The following PRUNE2 variants were observed in gnomAD, a reference collection of about 807,000 sequenced individuals.
The protein encoded by PRUNE2 is protein prune homolog 2.
PRUNE2 carries 164 observed loss-of-function variants against 252.0 expected under a neutral mutation model. That is an observed-to-expected ratio of 0.65 (90% confidence interval 0.57 to 0.74). The LOEUF is 0.74. Ranked by LOEUF, PRUNE2 falls within the 30% of genes least tolerant of loss-of-function variation. The pLI is 0.00. For missense variants in PRUNE2, 3,495 were observed against 3,711.0 expected, an observed-to-expected ratio of 0.94 and a Z score of 1.51; for synonymous variants, 1,292 against 1,350.2, an observed-to-expected ratio of 0.96 and a Z score of 0.94.
chr9:76,764,538 G>C (rs1005127200), intron 6 of PRUNE2: 6 of 152,274 alleles, frequency 3.9e-5, no homozygotes, highest in Admixed American at 3.3e-4. Flanking sequence ...ATGGTGGGAA[G>C]GACCTGATGA....
intron 6 of PRUNE2, among the ~76,000 whole-genome samples, chr9:76,723,086 C>T (rs1474120250): frequency 6.6e-6 from 1 of 152,142 alleles, no homozygotes; most frequent in Non-Finnish European, 1.5e-5. Flanking sequence ...TGAGCAATTT[C>T]CAGTTATTCA....
chr9:76,786,663 T>A (rs567753006), intron 6 of PRUNE2: 1 of 152,232 alleles, frequency 6.6e-6, no homozygotes, highest in African/African-American at 2.4e-5. Context: ...TTTTCTTCCA[T>A]CCCCACCACT....
At chr9:76,668,293 A>T (rs1219334887) in intron 9 of PRUNE2, among the ~76,000 whole-genome samples, 1 of 152,248 alleles carries the variant, frequency 6.6e-6, no homozygotes, top group East Asian at 1.9e-4. Context: ...GAATTTGATG[A>T]TCATGCAAAC....
chr9:76,735,023 C>A (rs1009336324), intron 6 of PRUNE2, among the ~76,000 whole-genome samples: 10 of 151,906 alleles, frequency 6.6e-5, no homozygotes, highest in Non-Finnish European at 1.0e-4. Context: ...CTGGAGCTAC[C>A]CAGAGCCATC....
intron 6 of PRUNE2, among the ~76,000 whole-genome samples, chr9:76,719,314 C>T (rs1020671254): frequency 1.3e-5 from 2 of 151,772 alleles, no homozygotes; most frequent in African/African-American, 2.4e-5. Flanking sequence ...AGGATATATA[C>T]CAATGGAAAA....
chr9:76,709,774 A>G lies in PRUNE2; in HGVS notation c.2500T>C (p.Trp834Arg). The change falls in exon 8 of 19, where the codon TGG (tryptophan) becomes CGG (arginine). Residue 834 changes from tryptophan (W) to arginine (R), a missense_variant. By Grantham distance (101) the Trp-to-Arg change is moderately radical. Transcript: ENST00000376718. ...GCAAACCCACTTTTTGCCATGGCCC[A>G]CTCATTCGGGTCCCTAACAGAAGGT... ...KTPSVRDPNEWAMAKSGFAFS... is the reference protein window; with the variant it reads ...KTPSVRDPNERAMAKSGFAFS... 6.2e-7 allele frequency: 1 copy of G among 1,613,816 alleles called. No individual in the cohort carries two copies. Among genetic ancestry groups the G allele is most frequent in the Middle Eastern group, 1.6e-4 (1 of 6,062 alleles).
chr9:76,788,098 C>A lies in PRUNE2; in HGVS notation c.756+35534G>T, dbSNP rs144264644. Among the ~76,000 whole-genome samples the A allele has an allele frequency of 6.6e-3, 1,001 of 152,304 alleles. 6 individuals are homozygous for A. Among genetic ancestry groups the A allele is most frequent in the Non-Finnish European group, 0.011 (727 of 68,038 alleles). Reference sequence around the variant, plus strand: ...GCAACTAAAGTTCTTTGTGCCCTCACCTGGTTTTCTAATATTTGTCAATAG... The same window carrying A: ...GCAACTAAAGTTCTTTGTGCCCTCAACTGGTTTTCTAATATTTGTCAATAG... On this transcript the variant is annotated intron_variant, in intron 6 of 18. Coordinates refer to ENST00000376718, the MANE Select transcript of PRUNE2 (RefSeq NM_015225.3).
chr9:76,846,763 CA>C, intron 3 of PRUNE2, 85 bp from the exon 4 acceptor site: 1 of 1,231,794 alleles, frequency 8.1e-7, no homozygotes, highest in Non-Finnish European at 1.1e-6. Flanking sequence ...TGCTCTCACA[CA>C]AATGGCTTCC....
intron 7 of PRUNE2, among the ~76,000 whole-genome samples, chr9:76,713,214 C>T (rs1240425353): frequency 6.6e-6 from 1 of 152,068 alleles, no homozygotes; most frequent in African/African-American, 2.4e-5. Flanking sequence ...AGGTCTTAAA[C>T]ACTGGGCACC....
At chr9:76,874,059 T>A (rs2061359107) in intron 1 of PRUNE2, among the ~76,000 whole-genome samples, 1 of 152,170 alleles carries the variant, frequency 6.6e-6, no homozygotes, top group Non-Finnish European at 1.5e-5. Flanking sequence ...TAATACTGAA[T>A]CATTAGTACA....
At chr9:76,892,238 C>T (rs139610366) in intron 1 of PRUNE2, among the ~76,000 whole-genome samples, 2 of 152,260 alleles carry the variant, frequency 1.3e-5, no homozygotes, top group Non-Finnish European at 2.9e-5. Context: ...AATTCTCTAA[C>T]GTGTCGGGGT....
intron 6 of PRUNE2, among the ~76,000 whole-genome samples, chr9:76,716,175 C>T (rs2135133324): frequency 6.6e-6 from 1 of 152,322 alleles, no homozygotes; most frequent in Non-Finnish European, 1.5e-5. Flanking sequence ...TTCAAAGCCA[C>T]ACTTGTGGAA....
chr9:76,781,924 G>T (rs1011634541), intron 6 of PRUNE2, among the ~76,000 whole-genome samples: 1 of 152,114 alleles, frequency 6.6e-6, no homozygotes, highest in Non-Finnish European at 1.5e-5. Flanking sequence ...GAAAGCATTG[G>T]GAAAGCCTGG....
intron 6 of PRUNE2, among the ~76,000 whole-genome samples, chr9:76,778,101 T>C (rs1316007096): frequency 1.3e-5 from 2 of 152,184 alleles, no homozygotes; most frequent in East Asian, 3.8e-4. Flanking sequence ...TTTTAAAAAA[T>C]ACCAATGACT....
rs189769392 is a variant in PRUNE2 at position 76,655,629 on chromosome 9, T to C, written c.8277-127A>G. ...CTTAAAATAAACCATGTATGGGGACTGAATCCACTGTAAGTGGTCCCAAAT... is the reference window on the plus strand; with the variant it reads ...CTTAAAATAAACCATGTATGGGGACCGAATCCACTGTAAGTGGTCCCAAAT... On this transcript the variant is annotated intron_variant, in intron 9 of 18. Transcript: ENST00000376718. The C allele has an allele frequency of 3.1e-3, 2,151 of 690,976 alleles. 14 individuals are homozygous for C. The highest frequency in any genetic ancestry group is 3.3e-3 in the Non-Finnish European group (1,253 of 385,078). The allele number at this position is 690,976 out of a possible 1,614,324, so 42.8% of individuals were successfully genotyped here.
At chr9:76,752,166 C>T (rs1032867544) in intron 6 of PRUNE2, among the ~76,000 whole-genome samples, 22 of 151,108 alleles carry the variant, frequency 1.5e-4, no homozygotes, top group Middle Eastern at 3.4e-3. Context: ...GGTGCAATCT[C>T]GGCTCACTGC....
At chr9:76,691,008 C>T (rs1241100677) in intron 9 of PRUNE2, among the ~76,000 whole-genome samples, 1 of 152,164 alleles carries the variant, frequency 6.6e-6, no homozygotes, top group Non-Finnish European at 1.5e-5. Context: ...TGCCAGGCAT[C>T]GTAATCTAAT....
chr9:76,779,269 G>A (rs1205566459), intron 6 of PRUNE2, among the ~76,000 whole-genome samples: 1 of 149,216 alleles, frequency 6.7e-6, no homozygotes, highest in African/African-American at 2.5e-5. Flanking sequence ...ATGTTCCTTA[G>A]TCACTTAAAG....
rs6560558 is a variant in PRUNE2, at chr9:76,888,422, C to G, written c.36+17506G>C. ...TGAAACCTTGTCTTTACTAAAAATA[C>G]AAAAATTAGCTGGGCGTGGTGGCGC... On this transcript the variant is annotated intron_variant, in intron 1 of 18. Coordinates refer to ENST00000376718, the MANE Select transcript of PRUNE2 (RefSeq NM_015225.3). Among the ~76,000 whole-genome samples the G allele has an allele frequency of 5.2e-3, 797 of 152,022 alleles. 11 individuals are homozygous for G. The highest frequency in any genetic ancestry group is 0.018 in the African/African-American group (744 of 41,486).
Sources: gnomAD v4.1 joint callset for allele counts (sites outside exome capture counted in the v4.1 genomes callset) on GRCh38, gnomAD v4.1.1 for gene constraint, MANE v1.5 for transcripts, NCBI Gene and HGNC (gene_info 2026-07-23, HGNC 2026-07-21) for gene names.